Variants in LGALS16 observed in about 807,000 individuals in gnomAD.
The protein encoded by LGALS16 is galectin-16.
LGALS16 carries 15 observed loss-of-function variants against 13.2 expected under a neutral mutation model. The ratio of observed to expected loss-of-function variants is 1.13; its 90% CI spans 0.76 to 1.75. The LOEUF (loss-of-function observed/expected upper bound fraction) is 1.75, where lower values mean the gene tolerates loss of function less well. LGALS16 is among the 40% of genes most tolerant of loss of function. The probability of loss-of-function intolerance (pLI) is 0.00; values close to 1 mark genes in which losing one functional copy is unlikely to be tolerated. For synonymous variants in LGALS16, 66 were observed against 65.4 expected (o/e 1.01, Z -0.05); for missense variants, 198 against 178.4 (o/e 1.11, Z -0.63).
At position 39,660,456 on chromosome 19, in the gene LGALS16, A is replaced by G; in HGVS notation, c.365A>G (p.Lys122Arg). The G allele has an allele frequency of 6.5e-7, 1 of 1,542,300 alleles. No individual in the cohort carries two copies. The highest frequency in any genetic ancestry group is 1.2e-5 in the South Asian group (1 of 84,266). Residue 122 changes from lysine to arginine, a missense_variant, in exon 4 of 4, where the codon AAG becomes AGG. Physicochemically the swap from Lys to Arg is conservative, Grantham distance 26 (BLOSUM62 2). Coordinates refer to ENST00000392051, the MANE Select transcript of LGALS16 (RefSeq NM_001190441.3). ...CATCGAATCCCGCCATCATATGTGA[A>G]GATGATTCAAGTGTGGAGAGATGTC... is the stretch of plus-strand genomic sequence containing the variant. ...FVHRIPPSYV[K>R]MIQVWRDVSL...
At chr19:39,658,741 C>T in intron 3 of LGALS16, 71 bp downstream of exon 3, 1 of 980,376 alleles carries the variant, frequency 1.0e-6, no homozygotes, top group Non-Finnish European at 1.6e-6. Flanking sequence ...TCTCATTGAC[C>T]TGGCCTCACC....
At chr19:39,660,301 T>TG in intron 3 of LGALS16, 94 bp from the exon 4 acceptor site, 1 of 1,252,784 alleles carries the variant, frequency 8.0e-7, no homozygotes, top group Non-Finnish European at 1.1e-6. Context: ...GGAGTTTTCT[T>TG]GGGGAATGTT....
chr19:39,659,980 G>T (rs1973241256), intron 3 of LGALS16, among the ~76,000 whole-genome samples: 1 of 152,194 alleles, frequency 6.6e-6, no homozygotes, highest in African/African-American at 2.4e-5. Context: ...GAGGAACTGT[G>T]CCATCAGTAG....
At position 39,660,413 on chromosome 19, in the gene LGALS16, T is replaced by C; in HGVS notation, c.322T>C (p.Tyr108His). 1 of 1,540,588 alleles carries C rather than the reference T, an allele frequency of 6.5e-7. No homozygotes were observed. The highest frequency in any genetic ancestry group is 1.2e-5 in the South Asian group (1 of 84,170). The part of the protein sequence containing the change: ...NEYEVKVNGE[Y>H]IYAFVHRIPP... ...CTTAAAGGTAAAGGTAAATGGTGAA[T>C]ACATTTATGCCTTTGTCCATCGAAT... is the stretch of plus-strand genomic sequence containing the variant. Residue 108 changes from tyrosine to histidine, a missense_variant, in exon 4 of 4, where the codon TAC becomes CAC. By Grantham distance (83) the Tyr-to-His change is moderately conservative. Transcript: ENST00000392051.
At chr19:39,660,271 A>G (rs1184246025) in intron 3 of LGALS16, 124 bp from the exon 4 acceptor site, 1 of 891,670 alleles carries the variant, frequency 1.1e-6, no homozygotes, top group Middle Eastern at 2.3e-4. Context: ...GTGTATCTAC[A>G]ACATTCGCTT....
At chr19:39,660,269 A>T in intron 3 of LGALS16, 126 bp from the exon 4 acceptor site, 3 of 875,664 alleles carry the variant, frequency 3.4e-6, no homozygotes, top group Non-Finnish European at 5.2e-6. Flanking sequence ...AAGTGTATCT[A>T]CAACATTCGC....
chr19:39,658,400 T>A (rs1382994678), intron 2 of LGALS16, 60 bp from the exon 3 acceptor site: 1 of 1,351,240 alleles, frequency 7.4e-7, no homozygotes, highest in Non-Finnish European at 1.0e-6. Flanking sequence ...TGTGTGCGTG[T>A]CAAGTGTGTG....
Position 39,658,553 on chromosome 19 carries a change from G to A in LGALS16, c.186G>A (p.Val62=), listed in dbSNP as rs746005629. The part of the protein sequence containing the change: ...FHLRVHLGRR[V]VMNSREFGIW... The stretch of plus-strand genomic sequence containing the variant: ...TGCGAGTGCACTTAGGCCGTCGTGT[G>A]GTCATGAACAGTCGTGAGTTTGGGA... The change falls in exon 3 of 4, where the codon GTG becomes GTA. Residue 62 remains valine (V), a synonymous_variant. Coordinates refer to ENST00000392051, the MANE Select transcript of LGALS16 (RefSeq NM_001190441.3). The A allele has an allele frequency of 1.2e-6, 2 of 1,608,772 alleles. No individual in the cohort carries two copies. The highest frequency in any genetic ancestry group is 1.1e-5 in the South Asian group (1 of 90,792).
chr19:39,656,963 G>A (rs1973201509), intron 1 of LGALS16, among the ~76,000 whole-genome samples: 1 of 151,874 alleles, frequency 6.6e-6, no homozygotes, highest in South Asian at 2.1e-4. Context: ...GCTTACAGTG[G>A]ATATTAATCA....
chr19:39,659,640 A>G (rs904760065), intron 3 of LGALS16, among the ~76,000 whole-genome samples: 4 of 152,088 alleles, frequency 2.6e-5, no homozygotes, highest in Admixed American at 2.0e-4. Context: ...GTCATTACCA[A>G]CCTCCCAATA....
chr19:39,659,215 T>C (rs1212312994), intron 3 of LGALS16, among the ~76,000 whole-genome samples: 1 of 151,966 alleles, frequency 6.6e-6, no homozygotes, highest in African/African-American at 2.4e-5. Flanking sequence ...TTCTCTTGCC[T>C]TAGCCTCCCA....
At chr19:39,659,493 T>C (rs1378743429) in intron 3 of LGALS16, among the ~76,000 whole-genome samples, 1 of 152,164 alleles carries the variant, frequency 6.6e-6, no homozygotes, top group African/African-American at 2.4e-5. Context: ...ACTAAGTTGG[T>C]TTTTCATCAA....
intron 3 of LGALS16, among the ~76,000 whole-genome samples, chr19:39,659,679 G>GA (rs1388345437): frequency 2.0e-5 from 3 of 152,180 alleles, no homozygotes; most frequent in African/African-American, 7.2e-5. Flanking sequence ...TACAAAAAAT[G>GA]AAAAAACTGG....
chr19:39,656,497 G>T (rs768261993), intron 1 of LGALS16, among the ~76,000 whole-genome samples: 16 of 152,132 alleles, frequency 1.1e-4, no homozygotes, highest in Non-Finnish European at 2.2e-4. Flanking sequence ...GCATGTGAAG[G>T]TTCCTCCCCA....
Position 39,658,617 on chromosome 19 carries a change from G to A in LGALS16, c.250G>A (p.Glu84Lys), listed in dbSNP as rs1183182847. ...GGAGAATTTACACTATGTGCCCTTT[G>A]AGGATGGCAAACCATTTGACTTGCG... Reference protein sequence around the residue: ...LEENLHYVPFEDGKPFDLRIY... With the variant: ...LEENLHYVPFKDGKPFDLRIY... Residue 84 changes from glutamate (E) to lysine (K), a missense_variant, in exon 3 of 4, where the codon GAG becomes AAG. Physicochemically the swap from Glu to Lys is moderately conservative, Grantham distance 56 (BLOSUM62 1). Coordinates refer to ENST00000392051, the MANE Select transcript of LGALS16 (RefSeq NM_001190441.3). 3.1e-6 allele frequency: 5 copies of A among 1,603,300 alleles called. No homozygotes were observed. The highest frequency in any genetic ancestry group is 1.6e-4 in the Middle Eastern group (1 of 6,080).
intron 2 of LGALS16, 97 bp from the exon 3 acceptor site, chr19:39,658,363 T>C (rs1973218912): frequency 1.9e-6 from 2 of 1,073,966 alleles, no homozygotes; most frequent in Non-Finnish European, 2.7e-6. Flanking sequence ...GAGAGAATTT[T>C]ACCCTGGGTA....
Position 39,657,864 on chromosome 19 carries a change from A to G in LGALS16, c.16-19A>G, listed in dbSNP as rs1568484194. The G allele has an allele frequency of 6.2e-7, 1 of 1,612,942 alleles. No individual in the cohort carries two copies. The highest frequency in any genetic ancestry group is 8.5e-7 in the Non-Finnish European group (1 of 1,179,940). The stretch of plus-strand genomic sequence containing the variant: ...GCACCTGACCCTGCACCTCTCACTT[A>G]TTCTCAATACCCTGGCAGGTGCCAT... On this transcript the variant is annotated intron_variant, in intron 1 of 3. Coordinates refer to ENST00000392051, the MANE Select transcript of LGALS16 (RefSeq NM_001190441.3).
chr19:39,659,161 G>A (rs1568484588), intron 3 of LGALS16, among the ~76,000 whole-genome samples: 1 of 149,992 alleles, frequency 6.7e-6, no homozygotes, highest in South Asian at 2.1e-4. Context: ...GGGCAGTGAC[G>A]TGATCTCAGC....
At chr19:39,656,120 A>T in intron 1 of LGALS16, 144 bp downstream of exon 1, 1 of 828,394 alleles carries the variant, frequency 1.2e-6, no homozygotes, top group Non-Finnish European at 1.9e-6. Flanking sequence ...AGAAACACTG[A>T]GGCTGGGTAT....
Sources: allele counts gnomAD v4.1 joint callset (sites outside exome capture counted in the v4.1 genomes callset), GRCh38; gene constraint gnomAD v4.1.1; transcripts MANE v1.5; gene names NCBI Gene and HGNC (gene_info 2026-07-23, HGNC 2026-07-21).